The following BAZ2A variants were observed in gnomAD, a reference collection of about 807,000 sequenced individuals.
BAZ2A encodes bromodomain adjacent to zinc finger domain 2A.
BAZ2A carries 34 observed loss-of-function variants against 199.9 expected under a neutral mutation model. The observed-to-expected ratio is 0.17, with a 90% CI of 0.13 to 0.23. The LOEUF is 0.23. Ranked by LOEUF, BAZ2A falls within the 10% of genes least tolerant of loss-of-function variation. The pLI is 1.00. For synonymous variants in BAZ2A, 857 were observed against 883.9 expected (o/e 0.97, Z 0.54); for missense variants, 2,002 against 2,391.1 (o/e 0.84, Z 3.39).
In BAZ2A at chr12:56,595,641, G is replaced by C. The variant is rs1279011717; in HGVS notation, c.*2977C>G. On this transcript the variant is annotated 3_prime_UTR_variant, in exon 29 of 29. Coordinates refer to ENST00000549884, the MANE Select transcript of BAZ2A (RefSeq NM_001300905.2). ...TCCGTGAGTGGGAAGTGGTAAGCTG[G>C]TGATGGTCCCATATTTGCTATGACA... 1 of 151,944 alleles carries C rather than the reference G, an allele frequency of 6.6e-6. No individual in the cohort carries two copies. The highest frequency in any genetic ancestry group is 1.9e-4 in the East Asian group (1 of 5,190). The allele number at this position is 151,944 out of a possible 1,614,324, so 9.4% of individuals were successfully genotyped here.
intron 1 of BAZ2A, among the ~76,000 whole-genome samples, chr12:56,619,242 G>A (rs1442273254): frequency 6.6e-6 from 1 of 152,004 alleles, no homozygotes; most frequent in African/African-American, 2.4e-5. Flanking sequence ...CTGCTCGGGA[G>A]GCTGAGGCAG....
chr12:56,630,348 G>A (rs1023609427), upstream of BAZ2A: 21 of 905,004 alleles, frequency 2.3e-5, no homozygotes, highest in African/African-American at 3.4e-4. Context: ...GGAGGGGGCG[G>A]AGAAGCCTCG....
Position 56,616,492 on chromosome 12 carries a change from A to G in BAZ2A, c.137-885T>C, listed in dbSNP as rs1592600602. On this transcript the variant is annotated intron_variant, in intron 2 of 28. Coordinates refer to ENST00000549884, the MANE Select transcript of BAZ2A (RefSeq NM_001300905.2). ...AAGGCTGGGCTTGGCCCTTCCCTAT[A>G]GGCATTGGAAGGTAATATGCCAGCT... 3.3e-5 allele frequency among the ~76,000 whole-genome samples: 5 copies of G among 152,220 alleles called. 1 individual carries two copies. In the Middle Eastern group the frequency reaches 0.014, roughly 414 times the overall value.
chr12:56,623,757 C>A (rs1950997492), intron 1 of BAZ2A, among the ~76,000 whole-genome samples: 1 of 152,050 alleles, frequency 6.6e-6, no homozygotes, highest in Non-Finnish European at 1.5e-5. Flanking sequence ...GGACAGCGCC[C>A]CCCACAACGA....
At position 56,630,192 on chromosome 12, in the gene BAZ2A, C is replaced by G; in HGVS notation, c.-70G>C. Reference sequence around the variant, plus strand: ...CCGGGGTACAAGCGGTTCACATGGCCGCGCTCCGGGCGCCAGAACGGGTGG... The same window carrying G: ...CCGGGGTACAAGCGGTTCACATGGCGGCGCTCCGGGCGCCAGAACGGGTGG... On this transcript the variant is annotated 5_prime_UTR_variant, in exon 1 of 29. Transcript: ENST00000549884. 2.0e-6 allele frequency: 2 copies of G among 985,604 alleles called. No homozygotes were observed. The highest frequency in any genetic ancestry group is 2.4e-6 in the Non-Finnish European group (2 of 830,034). The allele number at this position is 985,604 out of a possible 1,614,324, so 61.1% of individuals were successfully genotyped here.
intron 8 of BAZ2A, 73 bp downstream of exon 8, chr12:56,610,336 G>A: frequency 6.3e-7 from 1 of 1,580,544 alleles, no homozygotes; most frequent in East Asian, 2.2e-5. Flanking sequence ...CTGAGCCCAA[G>A]AACGGAGTCT....
Position 56,599,970 on chromosome 12 carries a change from G to C in BAZ2A, c.5019C>G (p.Asn1673Lys), listed in dbSNP as rs756144135. 1.4e-5 allele frequency: 22 copies of C among 1,613,966 alleles called. No homozygotes were observed. In the South Asian group the frequency reaches 2.3e-4, roughly 17 times the overall value. Reference sequence around the variant, plus strand: ...GGCTCTCTCAGCCTCTTACCACTTTGTTGACAGACTTCTCCCAGGCAATGG... The same window carrying C: ...GGCTCTCTCAGCCTCTTACCACTTTCTTGACAGACTTCTCCCAGGCAATGG... The part of the protein sequence containing the change: ...ERSIAWEKSV[N>K]KVTCLVCRKG... The change falls in exon 25 of 29, where the codon AAC becomes AAG. Residue 1673 changes from asparagine (N) to lysine (K), a missense_variant. Physicochemically the swap from Asn to Lys is moderately conservative, Grantham distance 94 (BLOSUM62 0). Coordinates refer to ENST00000549884, the MANE Select transcript of BAZ2A (RefSeq NM_001300905.2).
At chr12:56,634,992 A>G, upstream of BAZ2A, 1 of 984,270 alleles carries the variant, frequency 1.0e-6, no homozygotes, top group Non-Finnish European at 1.2e-6. Context: ...GCAGAGGCGC[A>G]GGTGGCCGAG....
rs75451906 is a variant in BAZ2A at position 56,623,609 on chromosome 12, C to T, written c.-2-6077G>A. 1.3e-4 allele frequency among the ~76,000 whole-genome samples: 20 copies of T among 152,156 alleles called. No homozygotes were observed. The East Asian group carries it at 3.9e-3, about 29-fold the overall frequency. On this transcript the variant is annotated intron_variant, in intron 1 of 28. Transcript: ENST00000549884. ...TTAACTCTACACATCTCTGGATTAC[C>T]CACCACACTCTAATACAGAGGTTCT... is the stretch of plus-strand genomic sequence containing the variant.
chr12:56,623,595 C>A (rs1486136822), intron 1 of BAZ2A, among the ~76,000 whole-genome samples: 1 of 152,194 alleles, frequency 6.6e-6, no homozygotes, highest in Non-Finnish European at 1.5e-5. Context: ...TAACTCTACA[C>A]ATCTCTGGAT....
intron 15 of BAZ2A, 78 bp from the exon 16 acceptor site, chr12:56,604,369 C>A: frequency 6.9e-7 from 1 of 1,455,962 alleles, no homozygotes. Flanking sequence ...GGGGCTGCAG[C>A]TGAAAAAGGA....
chr12:56,600,041 G>T lies in BAZ2A; in HGVS notation c.4948C>A (p.Arg1650=). Residue 1650 remains arginine (R), a synonymous_variant, in exon 25 of 29, where the codon CGG becomes AGG. Transcript: ENST00000549884. ...RVWRQTLERC[R]SAAQVCLCLG... is the part of the protein sequence containing the mutation. ...CACAAGCACACCTGGGCTGCGCTCCGGCACCGCTCGAGGGTCTGGCGCCAG... is the reference window on the plus strand; with the variant it reads ...CACAAGCACACCTGGGCTGCGCTCCTGCACCGCTCGAGGGTCTGGCGCCAG... The T allele has an allele frequency of 6.2e-7, 1 of 1,614,040 alleles. No individual in the cohort carries two copies. The highest frequency in any genetic ancestry group is 1.1e-5 in the South Asian group (1 of 91,088).
intron 7 of BAZ2A, 44 bp from the exon 8 acceptor site, chr12:56,610,561 AC>A: frequency 6.4e-7 from 1 of 1,561,726 alleles, no homozygotes; most frequent in South Asian, 1.2e-5. Context: ...TCACACCCCT[AC>A]CCACTCCCAT....
rs753638639 is a variant in BAZ2A, at chr12:56,600,931, G to GA, written c.4450+11dup. The GA allele has an allele frequency of 8.7e-6, 14 of 1,613,492 alleles. No homozygotes were observed. Among genetic ancestry groups the GA allele is most frequent in the Non-Finnish European group, 1.2e-5 (14 of 1,179,662 alleles). On this transcript the variant is annotated intron_variant, in intron 22 of 28. Transcript: ENST00000549884. ...GCTCTTCAGCTCAAGCTGGGTGTAG[G>GA]AATGTATTTACCAGCTGAGGGCCGC...
chr12:56,604,280 T>C lies in BAZ2A; in HGVS notation c.2975A>G (p.Lys992Arg). 1.9e-6 allele frequency: 3 copies of C among 1,608,234 alleles called. No individual in the cohort carries two copies. In the South Asian group the frequency reaches 3.3e-5, roughly 18 times the overall value. Residue 992 changes from lysine (K) to arginine (R), a missense_variant, in exon 16 of 29, where the codon AAG becomes AGG. Physicochemically the swap from Lys to Arg is conservative, Grantham distance 26. This residue lies in a region of BAZ2A where 1,081 missense variants were observed against 1,274.7 expected (regional missense o/e 0.85). Transcript: ENST00000549884. ...GTAGCTGGACATACTCTCCAGAGTC[T>C]TGTCAATCTCACTGCAGGGGAATAG... is the stretch of plus-strand genomic sequence containing the variant. ...GSTLIINEIDKTLESMSSYRK... is the reference protein window; with the variant it reads ...GSTLIINEIDRTLESMSSYRK...
At chr12:56,610,323 T>C in intron 8 of BAZ2A, 86 bp downstream of exon 8, 2 of 1,573,456 alleles carry the variant, frequency 1.3e-6, no homozygotes, top group Non-Finnish European at 1.7e-6. Flanking sequence ...CAGCCTGTTG[T>C]CACTGAGCCC....
intron 2 of BAZ2A, among the ~76,000 whole-genome samples, chr12:56,615,836 C>T (rs781738519): frequency 1.3e-5 from 2 of 152,142 alleles, no homozygotes; most frequent in Non-Finnish European, 2.9e-5. Context: ...GAGAGCTCTC[C>T]AGGCCTACCA....
At chr12:56,623,990 G>A (rs1303684372) in intron 1 of BAZ2A, among the ~76,000 whole-genome samples, 1 of 151,954 alleles carries the variant, frequency 6.6e-6, no homozygotes. Context: ...TGTAGGCTGG[G>A]AGAGGTGGCT....
At position 56,599,259 on chromosome 12, in the gene BAZ2A, G is replaced by T; in HGVS notation, c.5272C>A (p.Arg1758=). 6.2e-7 allele frequency: 1 copy of T among 1,613,204 alleles called. No individual in the cohort carries two copies. Among genetic ancestry groups the T allele is most frequent in the African/African-American group, 1.3e-5 (1 of 75,012 alleles). The change falls in exon 27 of 29, where the codon CGA becomes AGA. Residue 1758 remains arginine, a synonymous_variant. Transcript: ENST00000549884. ...SLNFSEGDGR[R]RRVLLRGRES... The stretch of plus-strand genomic sequence containing the variant: ...CGGCCCCTCAACAGTACCCGGCGTC[G>T]GCGGCCATCACCCTCTGAGAAGTTC...
Sources: gnomAD v4.1 joint callset for allele counts (sites outside exome capture counted in the v4.1 genomes callset) on GRCh38, gnomAD v4.1.1 for gene constraint, gnomAD v4.1.1 regional missense constraint, MANE v1.5 for transcripts, NCBI Gene and HGNC (gene_info 2026-07-23, HGNC 2026-07-21) for gene names.